Variants in MED25 observed in about 807,000 individuals in gnomAD.
The protein encoded by MED25 is mediator of RNA polymerase II transcription subunit 25.
MED25 carries 62 observed loss-of-function variants against 89.4 expected under a neutral mutation model. The observed-to-expected ratio is 0.69, with a 90% CI of 0.57 to 0.86. The LOEUF is 0.86. Ranked by LOEUF, MED25 falls within the 40% of genes least tolerant of loss-of-function variation. The pLI, the probability that MED25 is intolerant of heterozygous loss-of-function variation, is 0.00. For missense variants in MED25, 905 were observed against 1,005.2 expected (o/e 0.90, Z 1.35); for synonymous variants, 449 against 427.9 (o/e 1.05, Z -0.61).
Position 49,830,342 on chromosome 19 carries a change from G to T in MED25, c.819+124G>T. 1 of 1,204,042 alleles carries T rather than the reference G, an allele frequency of 8.3e-7. No individual in the cohort carries two copies. Among genetic ancestry groups the T allele is most frequent in the Non-Finnish European group, 1.2e-6 (1 of 837,968 alleles). The allele number at this position is 1,204,042 out of a possible 1,614,324, so 74.6% of individuals were successfully genotyped here. ...GGGAGTCCCATGGGACATTGGGAAG[G>T]TGGGACTCTTGGGGCCATGGAAGCT... On this transcript the variant is annotated intron_variant, in intron 7 of 17. Transcript: ENST00000312865. This position sits in a 1 kb window ranked among gnomAD's most constrained non-coding sequence, Gnocchi z 4.6.
downstream of MED25, chr19:49,838,978 T>C (rs1204354902): frequency 5.7e-6 from 2 of 350,274 alleles, no homozygotes; most frequent in African/African-American, 2.1e-5. Flanking sequence ...AACACATGAC[T>C]GTTGAGACCG....
In MED25 at chr19:49,834,807, G is replaced by T; in HGVS notation, c.1483-179G>T. 1 of 645,778 alleles carries T rather than the reference G, an allele frequency of 1.5e-6. No individual in the cohort carries two copies. The allele number at this position is 645,778 out of a possible 1,614,324, so 40.0% of individuals were successfully genotyped here. ...GGCAGCTGGAACCCTAGCTTGCCCT[G>T]AGCGCCTCAGTTTCTGTCTCCAGAG... On this transcript the variant is annotated intron_variant, in intron 13 of 17. Transcript: ENST00000312865. The surrounding 1 kb of genome is among the most constrained non-coding windows in gnomAD (Gnocchi z 4.1).
rs751539230 is a variant in MED25 at position 49,828,589 on chromosome 19, C to T, written c.404+42C>T. On this transcript the variant is annotated intron_variant, in intron 4 of 17. Transcript: ENST00000312865. ...CCCAGGCCGGGCCGGTCTCTCTCTG[C>T]CTGGCCTGGAACCACTTTGCCTGTC... 7.3e-6 allele frequency: 11 copies of T among 1,504,196 alleles called. No individual in the cohort carries two copies. In the South Asian group the frequency reaches 1.1e-4, roughly 15 times the overall value. The allele number at this position is 1,504,196 out of a possible 1,614,324, so 93.2% of individuals were successfully genotyped here. A position where few individuals can be genotyped will look rare whatever the true frequency, so the allele number is the denominator to read the frequency against.
Position 49,829,855 on chromosome 19 carries a change from G to C in MED25, c.595G>C (p.Ala199Pro). 6.2e-7 allele frequency: 1 copy of C among 1,612,104 alleles called. No individual in the cohort carries two copies. The highest frequency in any genetic ancestry group is 1.1e-5 in the South Asian group (1 of 90,988). ...GCTTCGGCTTCTGTTTGAGAAGGCA[G>C]CCCCCCCGGCCTTGCTGGAGCCGCT... The part of the protein sequence containing the change: ...PALRLLFEKA[A>P]PPALLEPLQP... Residue 199 changes from alanine (A) to proline (P), a missense_variant, in exon 6 of 18, where the codon GCC becomes CCC. Coordinates refer to ENST00000312865, the MANE Select transcript of MED25 (RefSeq NM_030973.4). The surrounding 1 kb of genome is among the most constrained non-coding windows in gnomAD (Gnocchi z 4.6).
chr19:49,819,801 G>T, intron 3 of MED25: 1 of 208,242 alleles, frequency 4.8e-6, no homozygotes, highest in East Asian at 1.4e-4. Context: ...AGCCAGGATA[G>T]ATCCCTCTGT....
Position 49,819,242 on chromosome 19 carries a change from G to A in MED25, c.251G>A (p.Cys84Tyr), listed in dbSNP as rs920374001. 1.9e-6 allele frequency: 3 copies of A among 1,614,112 alleles called. No individual in the cohort carries two copies. The highest frequency in any genetic ancestry group is 2.5e-6 in the Non-Finnish European group (3 of 1,180,040). Reference sequence around the variant, plus strand: ...TGCGCTCCCGAGTCCTACGTACAATGTCACGCTCCCACCAGCAGCGCCTAT... The same window carrying A: ...TGCGCTCCCGAGTCCTACGTACAATATCACGCTCCCACCAGCAGCGCCTAT... ...VDCAPESYVQCHAPTSSAYEF... is the reference protein window; with the variant it reads ...VDCAPESYVQYHAPTSSAYEF... Residue 84 changes from cysteine (C) to tyrosine (Y), a missense_variant, in exon 3 of 18, where the codon TGT becomes TAT. Cys to Tyr is a radical substitution (Grantham distance 194). Coordinates refer to ENST00000312865, the MANE Select transcript of MED25 (RefSeq NM_030973.4).
chr19:49,834,986 G>A lies in MED25; in HGVS notation c.1483G>A (p.Ala495Thr). The stretch of plus-strand genomic sequence containing the variant: ...TTCTGAAGAGCTGTTGTCCACCCAG[G>A]CGGGCTGCGTGCACTTCCCCCACAC... Reference protein sequence around the residue: ...GLYRIMGNGFAGCVHFPHTAP... With the variant: ...GLYRIMGNGFTGCVHFPHTAP... Residue 495 changes from alanine to threonine, a missense_variant and splice_region_variant, in exon 14 of 18, where the codon GCG becomes ACG. Ala to Thr is a moderately conservative substitution (Grantham distance 58). This residue lies in a region of MED25 where 133 missense variants were observed against 220.2 expected (regional missense o/e 0.60). Coordinates refer to ENST00000312865, the MANE Select transcript of MED25 (RefSeq NM_030973.4). The surrounding 1 kb of genome is among the most constrained non-coding windows in gnomAD (Gnocchi z 4.1). 1 of 1,613,924 alleles carries A rather than the reference G, an allele frequency of 6.2e-7. No homozygotes were observed. The highest frequency in any genetic ancestry group is 8.5e-7 in the Non-Finnish European group (1 of 1,179,968).
At chr19:49,824,673 T>C (rs527346236) in intron 3 of MED25, among the ~76,000 whole-genome samples, 2 of 152,182 alleles carry the variant, frequency 1.3e-5, no homozygotes, top group African/African-American at 4.8e-5. Context: ...TTCATTCATA[T>C]GTTCACTCAT....
At chr19:49,824,427 T>C (rs2074002022) in intron 3 of MED25, among the ~76,000 whole-genome samples, 1 of 151,524 alleles carries the variant, frequency 6.6e-6, no homozygotes, top group African/African-American at 2.4e-5. Context: ...AACAAATAAA[T>C]AGAAAAAATT....
At chr19:49,838,892 G>A (rs377706842), downstream of MED25, 15 of 392,464 alleles carry the variant, frequency 3.8e-5, no homozygotes, top group African/African-American at 3.1e-4. Flanking sequence ...AATCACGTGA[G>A]AAGAATGACC....
In MED25 at chr19:49,819,232, T is replaced by C; in HGVS notation, c.241T>C (p.Tyr81His). The C allele has an allele frequency of 6.2e-7, 1 of 1,614,216 alleles. No homozygotes were observed. The highest frequency in any genetic ancestry group is 8.5e-7 in the Non-Finnish European group (1 of 1,180,024). ...FNTVDCAPESYVQCHAPTSSA... is the reference protein window; with the variant it reads ...FNTVDCAPESHVQCHAPTSSA... ...CACAGTGGACTGCGCTCCCGAGTCC[T>C]ACGTACAATGTCACGCTCCCACCAG... The change falls in exon 3 of 18, where the codon TAC becomes CAC. Residue 81 changes from tyrosine (Y) to histidine (H), a missense_variant. By Grantham distance (83) the Tyr-to-His change is moderately conservative. Coordinates refer to ENST00000312865, the MANE Select transcript of MED25 (RefSeq NM_030973.4).
Position 49,831,362 on chromosome 19 carries a change from C to G in MED25, c.1131C>G (p.Ser377Arg), listed in dbSNP as rs763278432. ...GCACTGTGGCCCCAGGAGGGGTGAGCGGCCCTTCCCCAGCCCAGCTGGGAG... is the reference window on the plus strand; with the variant it reads ...GCACTGTGGCCCCAGGAGGGGTGAGGGGCCCTTCCCCAGCCCAGCTGGGAG... Reference protein sequence around the residue: ...MAGTVAPGGVSGPSPAQLGAP... With the variant: ...MAGTVAPGGVRGPSPAQLGAP... Residue 377 changes from serine to arginine, a missense_variant, in exon 10 of 18, where the codon AGC becomes AGG. Coordinates refer to ENST00000312865, the MANE Select transcript of MED25 (RefSeq NM_030973.4). This position sits in a 1 kb window ranked among gnomAD's most constrained non-coding sequence, Gnocchi z 5.0. 1 of 1,610,582 alleles carries G rather than the reference C, an allele frequency of 6.2e-7. No individual in the cohort carries two copies. The highest frequency in any genetic ancestry group is 8.5e-7 in the Non-Finnish European group (1 of 1,178,728).
downstream of MED25, chr19:49,839,375 A>G (rs1396470631): frequency 6.2e-6 from 1 of 160,610 alleles, no homozygotes; most frequent in Non-Finnish European, 1.4e-5. Context: ...TGCATCCATC[A>G]TCAGGAGTTG....
intron 3 of MED25, among the ~76,000 whole-genome samples, chr19:49,825,925 T>C (rs1413188167): frequency 6.8e-6 from 1 of 147,520 alleles, no homozygotes; most frequent in East Asian, 2.1e-4. Flanking sequence ...GCCAGGGTGG[T>C]TTTGGCTCGA....
At chr19:49,819,433 G>C (rs1490613076) in intron 3 of MED25, 137 bp downstream of exon 3, 3 of 915,738 alleles carry the variant, frequency 3.3e-6, no homozygotes, top group Middle Eastern at 2.7e-4. Context: ...CCCCGTGAGG[G>C]GCTGTGAATA....
chr19:49,827,514 C>T (rs893306017), intron 3 of MED25, among the ~76,000 whole-genome samples: 4 of 152,140 alleles, frequency 2.6e-5, no homozygotes, highest in Non-Finnish European at 5.9e-5. Flanking sequence ...CCTCACATGG[C>T]CTCTCCCTGT....
Position 49,831,407 on chromosome 19 carries a change from G to A in MED25, c.1176G>A (p.Gln392=), listed in dbSNP as rs777272231. 3 of 1,611,424 alleles carry A rather than the reference G, an allele frequency of 1.9e-6. No homozygotes were observed. The highest frequency in any genetic ancestry group is 2.7e-5 in the African/African-American group (2 of 74,888). Residue 392 remains glutamine, a synonymous_variant, in exon 10 of 18, where the codon CAG becomes CAA. Coordinates refer to ENST00000312865, the MANE Select transcript of MED25 (RefSeq NM_030973.4). This position sits in a 1 kb window ranked among gnomAD's most constrained non-coding sequence, Gnocchi z 5.0. The stretch of plus-strand genomic sequence containing the variant: ...TGGGAGCCCCAGCCCTCGGTGGGCA[G>A]CAGTCAGTCTCCAATAAGCTTCTGG... ...AQLGAPALGG[Q]QSVSNKLLAW...
chr19:49,822,243 A>G (rs2073987783), intron 3 of MED25, among the ~76,000 whole-genome samples: 2 of 148,096 alleles, frequency 1.4e-5, no homozygotes, highest in Admixed American at 6.7e-5. Context: ...AGCCTGGGCA[A>G]CAGAGCAAGA....
rs553473700 is a variant in MED25 at position 49,834,683 on chromosome 19, G to A, written c.1483-303G>A. On this transcript the variant is annotated intron_variant, in intron 13 of 17. Coordinates refer to ENST00000312865, the MANE Select transcript of MED25 (RefSeq NM_030973.4). This position sits in a 1 kb window ranked among gnomAD's most constrained non-coding sequence, Gnocchi z 4.1. ...GCCGCCCTCTGAGGAGGCCGCCGTG[G>A]CATTTTATGCCCAAGAAACTGGGTC... is the stretch of plus-strand genomic sequence containing the variant. 36 of 466,014 alleles carry A rather than the reference G, an allele frequency of 7.7e-5. No homozygotes were observed. Among genetic ancestry groups the A allele is most frequent in the African/African-American group, 2.9e-4 (15 of 50,914 alleles). The allele number at this position is 466,014 out of a possible 1,614,324, so 28.9% of individuals were successfully genotyped here. A position where few individuals can be genotyped will look rare whatever the true frequency, so the allele number is the denominator to read the frequency against.
Sources: allele counts gnomAD v4.1 joint callset (sites outside exome capture counted in the v4.1 genomes callset), GRCh38; gene constraint gnomAD v4.1.1; regional missense constraint gnomAD v4.1.1; non-coding constraint Gnocchi (gnomAD v3.1); transcripts MANE v1.5; gene names NCBI Gene and HGNC (gene_info 2026-07-23, HGNC 2026-07-21).